The following FSIP2 variants were observed in gnomAD, a reference collection of about 807,000 sequenced individuals.
FSIP2 encodes the protein fibrous sheath-interacting protein 2.
Under a neutral mutation model 510.5 loss-of-function variants are expected in FSIP2, and 367 were observed. The observed-to-expected ratio is 0.72, with a 90% CI of 0.66 to 0.78. The LOEUF (loss-of-function observed/expected upper bound fraction) is 0.78. Ranked by LOEUF, FSIP2 falls within the 30% of genes least tolerant of loss-of-function variation. The pLI, the probability that FSIP2 is intolerant of heterozygous loss-of-function variation, is 0.00. For missense variants in FSIP2, 7,594 were observed against 7,901.7 expected, an observed-to-expected ratio of 0.96 and a Z score of 1.48; for synonymous variants, 2,601 against 2,732.2, an observed-to-expected ratio of 0.95 and a Z score of 1.50.
intron 14 of FSIP2, among the ~76,000 whole-genome samples, chr2:185,785,108 T>C (rs892629927): frequency 6.6e-6 from 1 of 152,060 alleles, no homozygotes; most frequent in African/African-American, 2.4e-5. Flanking sequence ...GTGCCAATGA[T>C]ATAACATGAA....
chr2:185,738,556 A>T (rs1277059882), upstream of FSIP2: 8 of 1,497,258 alleles, frequency 5.3e-6, no homozygotes, highest in Non-Finnish European at 6.3e-6. Context: ...AGGGGAAATT[A>T]ACCAGTTACC....
At chr2:185,744,177 G>A (rs1420050129) in intron 3 of FSIP2, 145 bp from the exon 4 acceptor site, 1 of 194,428 alleles carries the variant, frequency 5.1e-6, no homozygotes, top group African/African-American at 2.3e-5. Flanking sequence ...TACTCTTTAT[G>A]CCAAAATGTC....
At chr2:185,773,621 A>G (rs986486379) in intron 13 of FSIP2, among the ~76,000 whole-genome samples, 2 of 152,196 alleles carry the variant, frequency 1.3e-5, no homozygotes, top group Non-Finnish European at 2.9e-5. Context: ...AAATCACACC[A>G]GTAAGTTTTT....
At chr2:185,739,508 T>A in intron 2 of FSIP2, 37 bp downstream of exon 2, 1 of 1,431,716 alleles carries the variant, frequency 7.0e-7, no homozygotes, top group Non-Finnish European at 9.2e-7. Flanking sequence ...TCCTTTACCC[T>A]TTACTACTTG....
At chr2:185,825,161 G>GGGAGAATATGAAATGAAATGAAAA (rs1405614616) in intron 20 of FSIP2, among the ~76,000 whole-genome samples, 1 of 151,736 alleles carries the variant, frequency 6.6e-6, no homozygotes, top group Non-Finnish European at 1.5e-5. Flanking sequence ...ATTTGAGAGT[G>GGGAGAATATGAAATGAAATGAAAA]AAAATCATTT....
chr2:185,751,480 T>TGC (rs1692145962), intron 7 of FSIP2, among the ~76,000 whole-genome samples: 1 of 142,472 alleles, frequency 7.0e-6, no homozygotes, highest in Admixed American at 7.2e-5. Flanking sequence ...TGTGTGTGTG[T>TGC]GTGTGTGTGT....
At chr2:185,760,667 A>C (rs1692332093) in intron 9 of FSIP2, among the ~76,000 whole-genome samples, 1 of 150,628 alleles carries the variant, frequency 6.6e-6, no homozygotes, top group Non-Finnish European at 1.5e-5. Flanking sequence ...CCATTGATAC[A>C]TGCAACAACG....
chr2:185,800,317 A>C lies in FSIP2; in HGVS notation c.11011A>C (p.Asn3671His), dbSNP rs768473054. 3.7e-4 allele frequency: 569 copies of C among 1,533,636 alleles called. No homozygotes were observed. The highest frequency in any genetic ancestry group is 4.7e-4 in the Non-Finnish European group (540 of 1,145,540). The change falls in exon 17 of 23, where the codon AAT becomes CAT. Residue 3671 changes from asparagine to histidine, a missense_variant. Asn to His is a moderately conservative substitution (Grantham distance 68). Coordinates refer to ENST00000424728, the MANE Select transcript of FSIP2 (RefSeq NM_173651.4). ...TQQIGQLFQK[N>H]KLSYLACKLN... ...ACAAATTGGTCAACTTTTTCAAAAA[A>C]ATAAGTTAAGTTATCTTGCATGTAA...
Position 185,743,113 on chromosome 2 carries a change from T to C in FSIP2, c.226-20T>C. On this transcript the variant is annotated intron_variant, in intron 2 of 22. Transcript: ENST00000424728. ...GTGAAAATGCATTAATTTTACATAT[T>C]TTTGAATCTGTGTTTGCAGCTTTTT... is the stretch of plus-strand genomic sequence containing the variant. 7.1e-7 allele frequency: 1 copy of C among 1,406,070 alleles called. No homozygotes were observed. Among genetic ancestry groups the C allele is most frequent in the Non-Finnish European group, 9.3e-7 (1 of 1,077,250 alleles). 87.1% of individuals were successfully genotyped at this position (1,406,070 alleles called of 1,614,324 possible). A position where few individuals can be genotyped will look rare whatever the true frequency, so the allele number is the denominator to read the frequency against.
Position 185,739,395 on chromosome 2 carries a change from A to T in FSIP2, c.149A>T (p.Asp50Val). The change falls in exon 2 of 23, where the codon GAC becomes GTC. Residue 50 changes from aspartate (D) to valine (V), a missense_variant. Transcript: ENST00000424728. ...GGGGTTGGACCGGCTCAGCTACTGG[A>T]CCTACCTCTCGGGGTCAAGCTGCCT... ...FAGVGPAQLLDLPLGVKLPVI... is the reference protein window; with the variant it reads ...FAGVGPAQLLVLPLGVKLPVI... The T allele has an allele frequency of 6.5e-7, 1 of 1,535,248 alleles. No homozygotes were observed. The highest frequency in any genetic ancestry group is 1.4e-5 in the African/African-American group (1 of 73,040).
At position 185,801,702 on chromosome 2, in the gene FSIP2, A is replaced by G; in HGVS notation, c.12396A>G (p.Ser4132=). Residue 4132 remains serine (S), a synonymous_variant, in exon 17 of 23, where the codon TCA becomes TCG. Transcript: ENST00000424728. ...TTACTTCTCTACCCAGGTCTTCATC[A>G]GACTATAGTACCATGTTATCACATT... is the stretch of plus-strand genomic sequence containing the variant. The part of the protein sequence containing the change: ...TEFTSLPRSS[S]DYSTMLSHSF... The G allele has an allele frequency of 1.3e-6, 2 of 1,527,010 alleles. No homozygotes were observed. Among genetic ancestry groups the G allele is most frequent in the Non-Finnish European group, 1.7e-6 (2 of 1,143,360 alleles). 94.6% of individuals were successfully genotyped at this position (1,527,010 alleles called of 1,614,324 possible). A position where few individuals can be genotyped will look rare whatever the true frequency, so the allele number is the denominator to read the frequency against.
At position 185,797,064 on chromosome 2, in the gene FSIP2, C is replaced by T. The variant is rs1398819933; in HGVS notation, c.9928C>T (p.Pro3310Ser). 2.0e-6 allele frequency: 3 copies of T among 1,535,124 alleles called. No homozygotes were observed. The highest frequency in any genetic ancestry group is 2.7e-5 in the African/African-American group (2 of 72,914). ...AGTGTTTCATTATGAGAACCTAAAA[C>T]CAGTTGTTGAACCAAACCAAATTCA... Reference protein sequence around the residue: ...LRVFHYENLKPVVEPNQIQTT... With the variant: ...LRVFHYENLKSVVEPNQIQTT... The change falls in exon 16 of 23, where the codon CCA becomes TCA. Residue 3310 changes from proline (P) to serine (S), a missense_variant. Coordinates refer to ENST00000424728, the MANE Select transcript of FSIP2 (RefSeq NM_173651.4).
chr2:185,737,850 G>A (rs765012676), upstream of FSIP2, among the ~76,000 whole-genome samples: 6 of 152,162 alleles, frequency 3.9e-5, no homozygotes, highest in Non-Finnish European at 7.3e-5. Context: ...AGAGAGCAGA[G>A]TGCACTGATT....
chr2:185,802,630 G>A lies in FSIP2; in HGVS notation c.13324G>A (p.Asp4442Asn). The change falls in exon 17 of 23, where the codon GAC becomes AAC. Residue 4442 changes from aspartate to asparagine, a missense_variant. Coordinates refer to ENST00000424728, the MANE Select transcript of FSIP2 (RefSeq NM_173651.4). ...TTCAGTGGCTGAGAATATTGTTCAG[G>A]ACATCCTTAGTAACATCAGTAAATC... Reference protein sequence around the residue: ...SNSVAENIVQDILSNISKSTE... With the variant: ...SNSVAENIVQNILSNISKSTE... 6.5e-7 allele frequency: 1 copy of A among 1,533,672 alleles called. No individual in the cohort carries two copies. Among genetic ancestry groups the A allele is most frequent in the Non-Finnish European group, 8.7e-7 (1 of 1,145,326 alleles).
In FSIP2 at chr2:185,739,455, C is replaced by T. The variant is rs2105522375; in HGVS notation, c.209C>T (p.Thr70Met). Residue 70 changes from threonine to methionine, a missense_variant, in exon 2 of 23, where the codon ACG (threonine) becomes ATG (methionine). Thr to Met is a moderately conservative substitution (Grantham distance 81). Coordinates refer to ENST00000424728, the MANE Select transcript of FSIP2 (RefSeq NM_173651.4). ...GGAAGCAATGCTGTATTCTATACTACGAATTTCGGTGAAAAGGTGAACAAG... is the reference window on the plus strand; with the variant it reads ...GGAAGCAATGCTGTATTCTATACTATGAATTTCGGTGAAAAGGTGAACAAG... ...IPGSNAVFYTTNFGEKLFRPS... is the reference protein window; with the variant it reads ...IPGSNAVFYTMNFGEKLFRPS... 6.6e-7 allele frequency: 1 copy of T among 1,507,754 alleles called. No homozygotes were observed. Among genetic ancestry groups the T allele is most frequent in the Non-Finnish European group, 8.8e-7 (1 of 1,133,898 alleles). 93.4% of individuals were successfully genotyped at this position (1,507,754 alleles called of 1,614,324 possible).
rs748205308 is a variant in FSIP2 at position 185,804,007 on chromosome 2, A to C, written c.14701A>C (p.Lys4901Gln). Residue 4901 changes from lysine (K) to glutamine (Q), a missense_variant, in exon 17 of 23, where the codon AAA becomes CAA. Coordinates refer to ENST00000424728, the MANE Select transcript of FSIP2 (RefSeq NM_173651.4). ...PVSKIASFII[K>Q]EIFNHHIQSF... ...TTCAAAAATAGCGAGTTTTATAATA[A>C]AAGAAATCTTTAACCATCATATTCA... is the stretch of plus-strand genomic sequence containing the variant. The C allele has an allele frequency of 1.3e-6, 2 of 1,498,414 alleles. No homozygotes were observed. The highest frequency in any genetic ancestry group is 1.4e-5 in the African/African-American group (1 of 70,902). 92.8% of individuals were successfully genotyped at this position (1,498,414 alleles called of 1,614,324 possible).
chr2:185,832,484 G>A (rs1574212730), intron 22 of FSIP2, among the ~76,000 whole-genome samples: 1 of 151,866 alleles, frequency 6.6e-6, no homozygotes, highest in African/African-American at 2.4e-5. Flanking sequence ...TGAGTTTCAT[G>A]TACTACAATC....
At chr2:185,772,100 C>T (rs922248306) in intron 13 of FSIP2, among the ~76,000 whole-genome samples, 2 of 152,188 alleles carry the variant, frequency 1.3e-5, no homozygotes, top group Non-Finnish European at 2.9e-5. Context: ...ATAACTTTCT[C>T]ATTTCCATCT....
Position 185,803,259 on chromosome 2 carries a change from A to G in FSIP2, c.13953A>G (p.Glu4651=). 6.6e-7 allele frequency: 1 copy of G among 1,525,426 alleles called. No individual in the cohort carries two copies. The highest frequency in any genetic ancestry group is 2.5e-5 in the East Asian group (1 of 40,790). The allele number at this position is 1,525,426 out of a possible 1,614,324, so 94.5% of individuals were successfully genotyped here. Residue 4651 remains glutamate (E), a synonymous_variant, in exon 17 of 23, where the codon GAA becomes GAG. Transcript: ENST00000424728. ...IVQTKSIRDS[E]DELFEKAEEL... ...AAACAAAATCCATAAGAGATTCAGAAGATGAACTGTTTGAGAAAGCTGAAG... is the reference window on the plus strand; with the variant it reads ...AAACAAAATCCATAAGAGATTCAGAGGATGAACTGTTTGAGAAAGCTGAAG...
Sources: allele counts gnomAD v4.1 joint callset (sites outside exome capture counted in the v4.1 genomes callset), GRCh38; gene constraint gnomAD v4.1.1; transcripts MANE v1.5; gene names NCBI Gene and HGNC (gene_info 2026-07-23, HGNC 2026-07-21).